The following KIF26B variants were observed in gnomAD, a reference collection of about 807,000 sequenced individuals.
KIF26B encodes kinesin-like protein KIF26B.
Under a neutral mutation model 151.2 loss-of-function variants are expected in KIF26B, and 63 were observed. The observed-to-expected ratio is 0.42, with a 90% CI of 0.34 to 0.51. The LOEUF is 0.51. Ranked by LOEUF, KIF26B falls within the 20% of genes least tolerant of loss-of-function variation. The probability of loss-of-function intolerance (pLI) is 0.07; values close to 1 mark genes in which losing one functional copy is unlikely to be tolerated. For missense variants in KIF26B, 2,813 were observed against 2,913.6 expected (o/e 0.97, Z 0.79); for synonymous variants, 1,357 against 1,262.1 (o/e 1.08, Z -1.59).
At chr1:245,207,850 G>T (rs1669437416) in intron 2 of KIF26B, among the ~76,000 whole-genome samples, 1 of 152,210 alleles carries the variant, frequency 6.6e-6, no homozygotes, top group South Asian at 2.1e-4. Context: ...GCATTAGTGA[G>T]TTCCTTACCA....
intron 10 of KIF26B, among the ~76,000 whole-genome samples, chr1:245,652,136 GT>G (rs1558252836): frequency 6.4e-5 from 9 of 141,386 alleles, no homozygotes; most frequent in African/African-American, 1.4e-4. Flanking sequence ...GTGTGTGTGT[GT>G]GTGTGTGTGA....
chr1:245,404,175 G>A (rs1468528990), intron 3 of KIF26B, among the ~76,000 whole-genome samples: 1 of 151,436 alleles, frequency 6.6e-6, no homozygotes, highest in African/African-American at 2.4e-5. Flanking sequence ...GTTGTTAAGA[G>A]ATCATTCATT....
chr1:245,581,728 T>C (rs543094966), intron 5 of KIF26B, among the ~76,000 whole-genome samples: 7 of 152,170 alleles, frequency 4.6e-5, no homozygotes, highest in Non-Finnish European at 8.8e-5. Flanking sequence ...TATATCACTT[T>C]ACCTTTCTGG....
intron 2 of KIF26B, among the ~76,000 whole-genome samples, chr1:245,300,995 A>C (rs976079330): frequency 6.9e-6 from 1 of 145,550 alleles, no homozygotes; most frequent in African/African-American, 2.6e-5. Context: ...ACACCTGGCT[A>C]ATTTTTATAT....
intron 4 of KIF26B, among the ~76,000 whole-genome samples, chr1:245,519,328 C>T (rs1048989780): frequency 4.6e-5 from 7 of 151,818 alleles, no homozygotes; most frequent in African/African-American, 1.5e-4. Context: ...CTGAGGCAGG[C>T]GGATCACTTG....
chr1:245,479,733 G>A (rs1368023369), intron 4 of KIF26B, among the ~76,000 whole-genome samples: 1 of 151,822 alleles, frequency 6.6e-6, no homozygotes, highest in Non-Finnish European at 1.5e-5. Flanking sequence ...TCTAAAGAAA[G>A]AAATAACAAC....
intron 2 of KIF26B, among the ~76,000 whole-genome samples, chr1:245,268,518 A>G (rs1444591769): frequency 1.1e-5 from 1 of 91,054 alleles, no homozygotes; most frequent in African/African-American, 4.2e-5. Context: ...ATAATAATAA[A>G]GTTTTTTTTT....
At chr1:245,298,352 G>A (rs1242806728) in intron 2 of KIF26B, among the ~76,000 whole-genome samples, 1 of 152,170 alleles carries the variant, frequency 6.6e-6, no homozygotes, top group African/African-American at 2.4e-5. Context: ...TGAAAGATAC[G>A]TGCTATAGCG....
chr1:245,610,566 C>T (rs2043508929), intron 8 of KIF26B, among the ~76,000 whole-genome samples: 1 of 152,170 alleles, frequency 6.6e-6, no homozygotes, highest in South Asian at 2.1e-4. Flanking sequence ...TACACAGTGT[C>T]TGTGATGCAA....
At chr1:245,623,639 A>G (rs1257531605) in intron 9 of KIF26B, among the ~76,000 whole-genome samples, 1 of 152,258 alleles carries the variant, frequency 6.6e-6, no homozygotes, top group Non-Finnish European at 1.5e-5. Flanking sequence ...AGAAAATTCT[A>G]CATCTGACCG....
rs1050054477 is a variant in KIF26B, at chr1:245,258,012, C to T, written c.465+101329C>T. On this transcript the variant is annotated intron_variant, in intron 2 of 14. Transcript: ENST00000407071. ...ACTCCAGCCTGGTGACAGAGTGAGA[C>T]TCTGTCTTAAAAAAAAAAAATGTTG... is the stretch of plus-strand genomic sequence containing the variant. Among the ~76,000 whole-genome samples the T allele has an allele frequency of 2.0e-5, 3 of 151,120 alleles. No individual in the cohort carries two copies. The East Asian group carries it at 5.9e-4, about 29-fold the overall frequency.
intron 2 of KIF26B, among the ~76,000 whole-genome samples, chr1:245,222,218 C>T (rs905708013): frequency 3.9e-5 from 6 of 152,168 alleles, no homozygotes; most frequent in African/African-American, 1.4e-4. Context: ...AGGCGGATCA[C>T]CTGAGGTCAG....
At chr1:245,387,761 G>C (rs115897033) in intron 3 of KIF26B, among the ~76,000 whole-genome samples, 2,975 of 152,196 alleles carry the variant, frequency 0.02, 88 homozygotes, top group African/African-American at 0.067. Flanking sequence ...GATACCAGCA[G>C]CAGACAGGGC....
intron 4 of KIF26B, among the ~76,000 whole-genome samples, chr1:245,446,873 A>T (rs910517691): frequency 6.6e-6 from 1 of 152,204 alleles, no homozygotes; most frequent in Non-Finnish European, 1.5e-5. Flanking sequence ...GGGAGTTCCC[A>T]CCAGCATTGC....
chr1:245,543,311 T>G (rs1234420606), intron 5 of KIF26B, among the ~76,000 whole-genome samples: 1 of 152,216 alleles, frequency 6.6e-6, no homozygotes, highest in Admixed American at 6.5e-5. Flanking sequence ...GATTTCATGA[T>G]GTACCATATG....
At chr1:245,188,946 C>T (rs1423091546) in intron 2 of KIF26B, among the ~76,000 whole-genome samples, 2 of 152,176 alleles carry the variant, frequency 1.3e-5, no homozygotes, top group Non-Finnish European at 2.9e-5. Context: ...GTGAAATAAG[C>T]CAGTCACAAA....
At chr1:245,266,990 T>C (rs1234229833) in intron 2 of KIF26B, among the ~76,000 whole-genome samples, 2 of 152,234 alleles carry the variant, frequency 1.3e-5, no homozygotes, top group African/African-American at 4.8e-5. Flanking sequence ...GGTCTTATCC[T>C]TATCCTTTTT....
chr1:245,524,671 TA>T (rs2103092869), intron 4 of KIF26B, among the ~76,000 whole-genome samples: 1 of 152,334 alleles, frequency 6.6e-6, no homozygotes, highest in East Asian at 1.9e-4. Context: ...TTAACCTCTA[TA>T]AAAAACAAAG....
chr1:245,655,173 C>T (rs1301780847), intron 10 of KIF26B, among the ~76,000 whole-genome samples: 1 of 152,242 alleles, frequency 6.6e-6, no homozygotes, highest in Non-Finnish European at 1.5e-5. Flanking sequence ...TAACCTCACA[C>T]ACTCAGACGC....
Sources: gnomAD v4.1 joint callset for allele counts (sites outside exome capture counted in the v4.1 genomes callset) on GRCh38, gnomAD v4.1.1 for gene constraint, MANE v1.5 for transcripts, NCBI Gene and HGNC (gene_info 2026-07-23, HGNC 2026-07-21) for gene names.